Variants in NOP53 observed in about 807,000 individuals in gnomAD.
The protein encoded by NOP53 is NOP53 ribosome biogenesis factor, also known as ribosome biogenesis protein NOP53.
NOP53 carries 40 observed loss-of-function variants against 61.0 expected under a neutral mutation model. The observed-to-expected ratio is 0.66, with a 90% confidence interval of 0.51 to 0.85. The LOEUF (loss-of-function observed/expected upper bound fraction) is 0.85, where lower values mean the gene tolerates loss of function less well. Among genes scored for constraint, NOP53 ranks in the 40% least tolerant of loss-of-function variants. NOP53 has a pLI of 0.00. For missense variants in NOP53, 689 were observed against 652.9 expected (o/e 1.06, Z -0.60); for synonymous variants, 308 against 289.5 (o/e 1.06, Z -0.65).
rs1239018277 is a variant in NOP53, at chr19:47,755,328, A to G, written c.1054-20A>G. 1.4e-6 allele frequency: 2 copies of G among 1,464,258 alleles called. No homozygotes were observed. The highest frequency in any genetic ancestry group is 2.7e-5 in the East Asian group (1 of 36,722). The allele number at this position is 1,464,258 out of a possible 1,614,324, so 90.7% of individuals were successfully genotyped here. On this transcript the variant is annotated intron_variant, in intron 8 of 12. Transcript: ENST00000246802. ...GTGGGCAGCACCGGCCTGAGCCCTG[A>G]CCCTCCCCCGTCTCCACAGCGGGTA...
At chr19:47,748,770 A>T (rs1021936068) in intron 2 of NOP53, among the ~76,000 whole-genome samples, 2 of 152,090 alleles carry the variant, frequency 1.3e-5, no homozygotes, top group African/African-American at 4.8e-5. Flanking sequence ...TGGTACACGC[A>T]TGTAATCCCA....
chr19:47,753,484 T>C (rs1176881316), intron 6 of NOP53: 1 of 151,542 alleles, frequency 6.6e-6, no homozygotes, highest in East Asian at 1.9e-4. Flanking sequence ...TCTCATGGGG[T>C]CACGTGACTG....
In NOP53 at chr19:47,756,737, G is replaced by A; in HGVS notation, c.1423G>A (p.Glu475Lys). 1 of 1,613,450 alleles carries A rather than the reference G, an allele frequency of 6.2e-7. No individual in the cohort carries two copies. Among genetic ancestry groups the A allele is most frequent in the South Asian group, 1.1e-5 (1 of 91,082 alleles). ...VKLVEKRAFR[E>K]IQL ...GCTGGTGGAGAAGCGGGCGTTCCGT[G>A]AGATCCAGTGAGTCCACCCGGCTTC... is the stretch of plus-strand genomic sequence containing the variant. Residue 475 changes from glutamate (E) to lysine (K), a missense_variant, in exon 12 of 13, where the codon GAG (glutamate) becomes AAG (lysine). Physicochemically the swap from Glu to Lys is moderately conservative, Grantham distance 56 (BLOSUM62 1). Transcript: ENST00000246802.
At chr19:47,756,503 T>C in intron 10 of NOP53, 25 bp from the exon 11 acceptor site, 1 of 1,603,804 alleles carries the variant, frequency 6.2e-7, no homozygotes, top group Non-Finnish European at 8.5e-7. Flanking sequence ...CAGGCCCTGC[T>C]GAGGCCTCCC....
rs1379322968 is a variant in NOP53, at chr19:47,754,676, A to G, written c.871-33A>G. The G allele has an allele frequency of 6.5e-7, 1 of 1,539,664 alleles. No individual in the cohort carries two copies. The highest frequency in any genetic ancestry group is 8.8e-7 in the Non-Finnish European group (1 of 1,140,268). ...ACTCCCTCCCCTCCCCGGGCCTCCT[A>G]CCCACCCCTGACACTGCACCCCGCC... On this transcript the variant is annotated intron_variant, in intron 7 of 12. Transcript: ENST00000246802. This position sits in a 1 kb window ranked among gnomAD's most constrained non-coding sequence, Gnocchi z 4.2.
At chr19:47,755,304 TG>T in intron 8 of NOP53, 43 bp from the exon 9 acceptor site, 1 of 1,326,660 alleles carries the variant, frequency 7.5e-7, no homozygotes, top group South Asian at 1.5e-5. Context: ...TCTCCCTGTG[TG>T]GGCAGCACCG....
chr19:47,757,009 C>G lies in NOP53; in HGVS notation c.*4C>G. On this transcript the variant is annotated 3_prime_UTR_variant, in exon 13 of 13. Transcript: ENST00000246802. ...TTCCTCTGTCCCCAGGTTGTAGCTG[C>G]CATCAGATGCCGGAGACTCGCCCTT... 6.2e-7 allele frequency: 1 copy of G among 1,614,074 alleles called. No individual in the cohort carries two copies. The highest frequency in any genetic ancestry group is 8.5e-7 in the Non-Finnish European group (1 of 1,179,922).
At chr19:47,756,035 T>G (rs546920462) in intron 10 of NOP53, 235 of 582,974 alleles carry the variant, frequency 4.0e-4, no homozygotes, top group Non-Finnish European at 6.4e-4. Context: ...AGAAGGCCTT[T>G]CCTTCCAGCT....
intron 6 of NOP53, 173 bp downstream of exon 6, chr19:47,752,780 G>A (rs1967140706): frequency 1.8e-6 from 1 of 560,998 alleles, no homozygotes; most frequent in South Asian, 2.3e-5. Context: ...GATGGGCAGA[G>A]TGGTTGGGGC....
intron 2 of NOP53, among the ~76,000 whole-genome samples, chr19:47,749,761 C>G (rs1230141517): frequency 1.3e-5 from 2 of 151,672 alleles, no homozygotes; most frequent in African/African-American, 2.4e-5. Context: ...TTTTTTTTCC[C>G]CCTGAGATGA....
intron 6 of NOP53, chr19:47,753,630 G>A (rs1316194846): frequency 6.6e-6 from 1 of 152,158 alleles, no homozygotes; most frequent in Non-Finnish European, 1.5e-5. Flanking sequence ...GCGGAAAAAA[G>A]CAACAGTGTG....
At chr19:47,748,224 CAAG>C (rs1967087109) in intron 2 of NOP53, among the ~76,000 whole-genome samples, 1 of 151,940 alleles carries the variant, frequency 6.6e-6, no homozygotes, top group Non-Finnish European at 1.5e-5. Context: ...TGCGCCTGGC[CAAG>C]ATGAGCTTTA....
At chr19:47,748,550 T>C (rs1187644288) in intron 2 of NOP53, among the ~76,000 whole-genome samples, 1 of 151,526 alleles carries the variant, frequency 6.6e-6, no homozygotes, top group Non-Finnish European at 1.5e-5. Context: ...CCAGATAGAG[T>C]GGAAGGAGCT....
rs997758480 is a variant in NOP53, at chr19:47,752,615, G to T, written c.765+8G>T. On this transcript the variant is annotated splice_region_variant and intron_variant, in intron 6 of 12. Coordinates refer to ENST00000246802, the MANE Select transcript of NOP53 (RefSeq NM_015710.5). The stretch of plus-strand genomic sequence containing the variant: ...TCCTTTGAAGACCACCAGGTACACT[G>T]CCCCGTCCAGGCCTCCCTCCTCAGT... The T allele has an allele frequency of 9.1e-6, 14 of 1,537,368 alleles. No individual in the cohort carries two copies. The highest frequency in any genetic ancestry group is 1.7e-5 in the Admixed American group (1 of 59,912).
chr19:47,755,265 C>T, intron 8 of NOP53, 83 bp from the exon 9 acceptor site: 1 of 953,458 alleles, frequency 1.0e-6, no homozygotes, highest in Non-Finnish European at 1.5e-6. Flanking sequence ...CAGGTTTGTG[C>T]AGGGAAGGCT....
chr19:47,756,477 G>T, intron 10 of NOP53, 51 bp from the exon 11 acceptor site: 2 of 1,480,722 alleles, frequency 1.4e-6, no homozygotes, highest in Non-Finnish European at 9.4e-7. Context: ...AGAGGTCCAG[G>T]CCCTTGGGCT....
At chr19:47,752,851 G>T in intron 6 of NOP53, 1 of 500,734 alleles carries the variant, frequency 2.0e-6, no homozygotes, top group Non-Finnish European at 3.6e-6. Flanking sequence ...CCCGGGAGGA[G>T]GGGTCGCCTG....
intron 6 of NOP53, 26 bp downstream of exon 6, chr19:47,752,633 T>A: frequency 7.4e-7 from 1 of 1,349,474 alleles, no homozygotes; most frequent in Non-Finnish European, 1.1e-6. Context: ...CAGGCCTCCC[T>A]CCTCAGTGGG....
intron 8 of NOP53, 47 bp from the exon 9 acceptor site, chr19:47,755,301 G>A (rs1252152749): frequency 7.7e-7 from 1 of 1,307,092 alleles, no homozygotes; most frequent in East Asian, 2.9e-5. Context: ...AGGTCTCCCT[G>A]TGTGGGCAGC....
Sources: gnomAD v4.1 joint callset for allele counts (sites outside exome capture counted in the v4.1 genomes callset) on GRCh38, gnomAD v4.1.1 for gene constraint, Gnocchi (gnomAD v3.1) non-coding constraint, MANE v1.5 for transcripts, NCBI Gene and HGNC (gene_info 2026-07-23, HGNC 2026-07-21) for gene names.